The following DLG5 variants were observed in gnomAD, a reference collection of about 807,000 sequenced individuals.
DLG5 encodes the protein discs large MAGUK scaffold protein 5, also known as disks large homolog 5.
A neutral mutation model predicts 189.8 loss-of-function variants in DLG5; 48 were observed. That is an observed-to-expected ratio of 0.25 (90% CI 0.20 to 0.32). The LOEUF (loss-of-function observed/expected upper bound fraction) is 0.32. Among genes scored for constraint, DLG5 ranks in the 10% least tolerant of loss-of-function variants. The probability of loss-of-function intolerance (pLI) is 1.00; values close to 1 mark genes in which losing one functional copy is unlikely to be tolerated. For synonymous variants in DLG5, 1,016 were observed against 1,054.1 expected (o/e 0.96, Z 0.70); for missense variants, 2,160 against 2,544.7 (o/e 0.85, Z 3.25).
rs1846681635 is a variant in DLG5, at chr10:77,926,104, C to T, written c.304+113G>A. 3 of 1,149,886 alleles carry T rather than the reference C, an allele frequency of 2.6e-6. No individual in the cohort carries two copies. The East Asian group carries it at 9.7e-5, about 37-fold the overall frequency. 71.2% of individuals were successfully genotyped at this position (1,149,886 alleles called of 1,614,324 possible). ...CCCCAACTGGGCCAGAGGAGCGAGT[C>T]CACCGAGGCCATCGCCAGGTGGAGC... On this transcript the variant is annotated intron_variant, in intron 1 of 31. Transcript: ENST00000372391. The surrounding 1 kb of genome is among the most constrained non-coding windows in gnomAD (Gnocchi z 5.2).
chr10:77,791,835 G>A lies in DLG5; in HGVS notation c.*605C>T, dbSNP rs1344794635. On this transcript the variant is annotated 3_prime_UTR_variant, in exon 32 of 32. Coordinates refer to ENST00000372391, the MANE Select transcript of DLG5 (RefSeq NM_004747.4). ...CCCATTGTGGGAGGAAAATGCCAAA[G>A]GCACTGGTTCTGCTGCCACAGGCAG... is the stretch of plus-strand genomic sequence containing the variant. 6.5e-6 allele frequency: 1 copy of A among 153,398 alleles called. No homozygotes were observed. The highest frequency in any genetic ancestry group is 1.5e-5 in the Non-Finnish European group (1 of 68,542). 9.5% of individuals were successfully genotyped at this position (153,398 alleles called of 1,614,324 possible). A position where few individuals can be genotyped will look rare whatever the true frequency, so the allele number is the denominator to read the frequency against.
At chr10:77,804,142 T>G (rs1219286224) in intron 27 of DLG5, among the ~76,000 whole-genome samples, 1 of 152,198 alleles carries the variant, frequency 6.6e-6, no homozygotes, top group Non-Finnish European at 1.5e-5. Context: ...TCCACCCACC[T>G]CGGCTTCCCA....
At chr10:77,901,114 CAAAAA>C (rs34724408) in intron 1 of DLG5, among the ~76,000 whole-genome samples, 2 of 52,724 alleles carry the variant, frequency 3.8e-5, no homozygotes, top group Admixed American at 2.1e-4. Flanking sequence ...AACTCCATCT[CAAAAA>C]AAAAAAAAAA....
At chr10:77,900,019 T>G (rs756323917) in intron 1 of DLG5, among the ~76,000 whole-genome samples, 2 of 152,214 alleles carry the variant, frequency 1.3e-5, no homozygotes, top group South Asian at 2.1e-4. Flanking sequence ...AAGGAAGAGA[T>G]AAACACTTAG....
chr10:77,820,018 C>T lies in DLG5; in HGVS notation c.3403G>A (p.Glu1135Lys). The change falls in exon 16 of 32, where the codon GAA becomes AAA. Residue 1135 changes from glutamate (E) to lysine (K), a missense_variant and splice_region_variant. Glu to Lys is a moderately conservative substitution (Grantham distance 56). Transcript: ENST00000372391. ...CCACTGGCCGGGACACACTTCTGTT[C>T]CTGCAGATGCAAGGGCAAGAGTGTC... The part of the protein sequence containing the change: ...PVVIPAQFLE[E>K]QKCVPASGEL... 6.2e-7 allele frequency: 1 copy of T among 1,613,248 alleles called. No homozygotes were observed. The highest frequency in any genetic ancestry group is 8.5e-7 in the Non-Finnish European group (1 of 1,179,950).
chr10:77,916,545 G>T (rs1261715035), intron 1 of DLG5, among the ~76,000 whole-genome samples: 1 of 151,770 alleles, frequency 6.6e-6, no homozygotes, highest in Non-Finnish European at 1.5e-5. Context: ...ACCCGCCTCA[G>T]CCTCCCAAAA....
In DLG5 at chr10:77,792,329, TC is replaced by T; in HGVS notation, c.*110del. 1 of 1,109,536 alleles carries T rather than the reference TC, an allele frequency of 9.0e-7. No homozygotes were observed. The highest frequency in any genetic ancestry group is 1.4e-6 in the Non-Finnish European group (1 of 738,386). 68.7% of individuals were successfully genotyped at this position (1,109,536 alleles called of 1,614,324 possible). On this transcript the variant is annotated 3_prime_UTR_variant, in exon 32 of 32. Coordinates refer to ENST00000372391, the MANE Select transcript of DLG5 (RefSeq NM_004747.4). ...CTTCTGGGTCCTGGTTCCGGATCCT[TC>T]CCCCGCATGTTCATAGACGGACAGA...
Position 77,833,990 on chromosome 10 carries a change from G to A in DLG5, c.1672C>T (p.Leu558=). 1 of 1,608,592 alleles carries A rather than the reference G, an allele frequency of 6.2e-7. No homozygotes were observed. Among genetic ancestry groups the A allele is most frequent in the Non-Finnish European group, 8.5e-7 (1 of 1,179,932 alleles). The change falls in exon 9 of 32, where the codon CTG becomes TTG. Residue 558 remains leucine, a synonymous_variant. Coordinates refer to ENST00000372391, the MANE Select transcript of DLG5 (RefSeq NM_004747.4). ...RRERDRAVSE[L]AEALRSLDDT... ...TCCAGGCTGCGCAGGGCCTCAGCCAGCTCGCTCACCGCACGGTCCCGCTCC... is the reference window on the plus strand; with the variant it reads ...TCCAGGCTGCGCAGGGCCTCAGCCAACTCGCTCACCGCACGGTCCCGCTCC...
At chr10:77,897,994 G>A (rs190783369) in intron 1 of DLG5, among the ~76,000 whole-genome samples, 5 of 152,198 alleles carry the variant, frequency 3.3e-5, no homozygotes, top group African/African-American at 4.8e-5. Flanking sequence ...GAGACCCTCC[G>A]AAGTCCTGTG....
intron 1 of DLG5, among the ~76,000 whole-genome samples, chr10:77,878,029 C>T (rs1384084425): frequency 1.3e-5 from 2 of 152,246 alleles, no homozygotes; most frequent in Non-Finnish European, 2.9e-5. Flanking sequence ...CCAGAAGTCA[C>T]AACAGGCAGG....
chr10:77,899,241 G>A (rs1435224013), intron 1 of DLG5, among the ~76,000 whole-genome samples: 1 of 152,174 alleles, frequency 6.6e-6, no homozygotes, highest in Non-Finnish European at 1.5e-5. Context: ...CACCTCCAGA[G>A]GCAGCCACCT....
At chr10:77,803,527 G>A (rs1287225139) in intron 27 of DLG5, among the ~76,000 whole-genome samples, 2 of 152,214 alleles carry the variant, frequency 1.3e-5, no homozygotes, top group Admixed American at 6.5e-5. Flanking sequence ...AACTGGTAAT[G>A]TCAATAAAAA....
intron 14 of DLG5, among the ~76,000 whole-genome samples, chr10:77,823,634 G>A (rs550196147): frequency 1.5e-4 from 23 of 150,904 alleles, no homozygotes; most frequent in South Asian, 6.3e-4. Flanking sequence ...GGGTTCAAGC[G>A]ATTCTCCTGC....
chr10:77,796,056 G>C lies in DLG5; in HGVS notation c.5436+5C>G, dbSNP rs1387058053. 3.1e-6 allele frequency: 5 copies of C among 1,614,042 alleles called. No individual in the cohort carries two copies. The highest frequency in any genetic ancestry group is 3.3e-5 in the Admixed American group (2 of 60,006). On this transcript the variant is annotated splice_donor_5th_base_variant and intron_variant, in intron 29 of 31. Coordinates refer to ENST00000372391, the MANE Select transcript of DLG5 (RefSeq NM_004747.4). This position sits in a 1 kb window ranked among gnomAD's most constrained non-coding sequence, Gnocchi z 5.2. ...GCCTAATCCTCAGACTGAAGCCCTG[G>C]GTACCTTTTCTGTGATCTCCTTTAT... is the stretch of plus-strand genomic sequence containing the variant.
chr10:77,856,715 C>T lies in DLG5; in HGVS notation c.536+15G>A, dbSNP rs373784392. 1.1e-5 allele frequency: 17 copies of T among 1,609,184 alleles called. No homozygotes were observed. Among genetic ancestry groups the T allele is most frequent in the South Asian group, 3.3e-5 (3 of 90,790 alleles). On this transcript the variant is annotated intron_variant, in intron 3 of 31. Transcript: ENST00000372391. Reference sequence around the variant, plus strand: ...AACCATGGGGCCTGGGCAGGGGAGACGGCGCAATTACTACCTCTTGTCAAA... The same window carrying T: ...AACCATGGGGCCTGGGCAGGGGAGATGGCGCAATTACTACCTCTTGTCAAA...
Position 77,885,454 on chromosome 10 carries a change from G to A in DLG5, c.305-16257C>T, listed in dbSNP as rs373904533. ...CTCAGAAAAGTTGATCTTGAGTAAC[G>A]AGGGAAAATATTTCATTCACTATCT... On this transcript the variant is annotated intron_variant, in intron 1 of 31. Transcript: ENST00000372391. 1.4e-4 allele frequency among the ~76,000 whole-genome samples: 21 copies of A among 152,298 alleles called. 3 individuals carry two copies. The highest frequency in any genetic ancestry group is 4.6e-4 in the Admixed American group (7 of 15,298).
intron 3 of DLG5, among the ~76,000 whole-genome samples, chr10:77,855,059 T>C (rs1394643296): frequency 6.6e-6 from 1 of 152,186 alleles, no homozygotes; most frequent in East Asian, 1.9e-4. Context: ...TCTCCTCTCT[T>C]TAGAACAATG....
chr10:77,871,133 G>C (rs1336594120), intron 1 of DLG5, among the ~76,000 whole-genome samples: 1 of 152,182 alleles, frequency 6.6e-6, no homozygotes, highest in Non-Finnish European at 1.5e-5. Context: ...GGAATGGGTA[G>C]GTGTCTTGTC....
In DLG5 at chr10:77,804,342, C is replaced by A. The variant is rs1195855572; in HGVS notation, c.5164+1323G>T. Among the ~76,000 whole-genome samples, 3 of 152,244 alleles carry A rather than the reference C, an allele frequency of 2.0e-5. No individual in the cohort carries two copies. The East Asian group carries it at 5.8e-4, about 29-fold the overall frequency. On this transcript the variant is annotated intron_variant, in intron 27 of 31. Coordinates refer to ENST00000372391, the MANE Select transcript of DLG5 (RefSeq NM_004747.4). ...TAAAAACCCATGCTCAGCTCACAGA[C>A]CATTTAAAAATAGGCAGTAGTCCAG... is the stretch of plus-strand genomic sequence containing the variant.
Sources: gnomAD v4.1 joint callset for allele counts (sites outside exome capture counted in the v4.1 genomes callset) on GRCh38, gnomAD v4.1.1 for gene constraint, Gnocchi (gnomAD v3.1) non-coding constraint, MANE v1.5 for transcripts, NCBI Gene and HGNC (gene_info 2026-07-23, HGNC 2026-07-21) for gene names.